ZNF407: variants seen among roughly 807,000 people sequenced by gnomAD.
ZNF407 encodes zinc finger protein 407.
In ZNF407, 17 loss-of-function variants were observed where a neutral mutation model predicts 131.2. That is an observed-to-expected ratio of 0.13 (90% CI 0.09 to 0.19). ZNF407 has a LOEUF of 0.19. ZNF407 is among the 10% of genes least tolerant of loss of function. ZNF407 has a pLI of 1.00. For synonymous variants in ZNF407, 1,156 were observed against 1,062.0 expected, an observed-to-expected ratio of 1.09 and a Z score of -1.72; for missense variants, 2,681 against 2,830.6, an observed-to-expected ratio of 0.95 and a Z score of 1.20.
At chr18:75,018,056 G>T (rs1328744223) in intron 8 of ZNF407, among the ~76,000 whole-genome samples, 1 of 152,164 alleles carries the variant, frequency 6.6e-6, no homozygotes, top group Non-Finnish European at 1.5e-5. Flanking sequence ...ATCATTTTCT[G>T]TGAATAGTAT....
chr18:74,734,133 C>T (rs561070653), intron 3 of ZNF407, among the ~76,000 whole-genome samples: 6 of 152,188 alleles, frequency 3.9e-5, no homozygotes, highest in East Asian at 3.9e-4. Context: ...CGTACGTGTT[C>T]GACGCTCCGT....
intron 8 of ZNF407, among the ~76,000 whole-genome samples, chr18:74,950,649 T>A (rs1299729741): frequency 6.6e-6 from 1 of 152,258 alleles, no homozygotes; most frequent in Non-Finnish European, 1.5e-5. Context: ...ATCATTACGA[T>A]AACATTGCCA....
chr18:74,622,869 T>G (rs1983586497), intron 1 of ZNF407, among the ~76,000 whole-genome samples: 1 of 140,054 alleles, frequency 7.1e-6, no homozygotes, highest in Non-Finnish European at 1.5e-5. Context: ...GGTGTGCAAA[T>G]GCATGTGTGT....
chr18:74,664,205 G>T (rs187451737), intron 3 of ZNF407, among the ~76,000 whole-genome samples: 1 of 152,294 alleles, frequency 6.6e-6, no homozygotes, highest in East Asian at 1.9e-4. Context: ...TCTCTTAAAA[G>T]AAAGGACATT....
intron 4 of ZNF407, among the ~76,000 whole-genome samples, chr18:74,804,841 A>G (rs888594486): frequency 6.6e-6 from 1 of 152,208 alleles, no homozygotes; most frequent in Non-Finnish European, 1.5e-5. Flanking sequence ...CTTTCTGAAT[A>G]TTATCCTCCT....
At chr18:74,647,760 T>C in intron 3 of ZNF407, among the ~76,000 whole-genome samples, 1 of 152,156 alleles carries the variant, frequency 6.6e-6, no homozygotes, top group African/African-American at 2.4e-5. Flanking sequence ...TGTGTGGGCA[T>C]GGTGACAAGG....
chr18:74,913,566 A>G (rs1971704244), intron 7 of ZNF407, among the ~76,000 whole-genome samples: 2 of 152,172 alleles, frequency 1.3e-5, no homozygotes, highest in Admixed American at 1.3e-4. Context: ...GTAGCTTGAA[A>G]AAGTAGTGTT....
intron 3 of ZNF407, among the ~76,000 whole-genome samples, chr18:74,647,895 G>A (rs1985046999): frequency 1.3e-5 from 2 of 152,074 alleles, no homozygotes; most frequent in African/African-American, 2.4e-5. Context: ...TCACAGGAGG[G>A]TTATCTTTGA....
chr18:74,678,458 C>G (rs182420781), intron 3 of ZNF407, among the ~76,000 whole-genome samples: 1 of 152,316 alleles, frequency 6.6e-6, no homozygotes, highest in African/African-American at 2.4e-5. Context: ...TTCTGCGCAC[C>G]TAGGCCCTGA....
At chr18:75,050,214 T>C (rs1170111173) in intron 8 of ZNF407, among the ~76,000 whole-genome samples, 3 of 152,166 alleles carry the variant, frequency 2.0e-5, no homozygotes, top group Non-Finnish European at 4.4e-5. Flanking sequence ...AATATATTAC[T>C]GTTAATATAT....
intron 4 of ZNF407, among the ~76,000 whole-genome samples, chr18:74,842,375 T>G (rs1446228983): frequency 6.6e-6 from 1 of 152,216 alleles, no homozygotes. Flanking sequence ...AATTATTTTA[T>G]AATTTGCTTA....
intron 4 of ZNF407, among the ~76,000 whole-genome samples, chr18:74,859,583 C>G (rs1235391194): frequency 6.6e-6 from 1 of 152,160 alleles, no homozygotes. Flanking sequence ...CAAATCTTTT[C>G]ATGAGAAAGT....
intron 8 of ZNF407, among the ~76,000 whole-genome samples, chr18:75,039,030 G>C (rs1388414969): frequency 1.3e-5 from 2 of 152,214 alleles, no homozygotes; most frequent in Non-Finnish European, 2.9e-5. Flanking sequence ...TTGTCAGCTT[G>C]TGATGTACTC....
chr18:74,945,426 C>A (rs1395645081), intron 8 of ZNF407, among the ~76,000 whole-genome samples: 2 of 152,116 alleles, frequency 1.3e-5, no homozygotes, highest in African/African-American at 4.8e-5. Context: ...GCAGACAGCT[C>A]GCCCATTTTA....
intron 1 of ZNF407, among the ~76,000 whole-genome samples, chr18:74,617,813 A>T (rs1305176689): frequency 6.6e-6 from 1 of 152,178 alleles, no homozygotes; most frequent in Non-Finnish European, 1.5e-5. Flanking sequence ...TTATGGGGAG[A>T]TGCTTTAACA....
At chr18:74,626,511 C>G (rs1325628916) in intron 1 of ZNF407, among the ~76,000 whole-genome samples, 1 of 152,162 alleles carries the variant, frequency 6.6e-6, no homozygotes, top group Non-Finnish European at 1.5e-5. Flanking sequence ...GTGACTCCCG[C>G]AGAATATTAT....
At chr18:74,979,727 T>C (rs942634202) in intron 8 of ZNF407, among the ~76,000 whole-genome samples, 1 of 152,210 alleles carries the variant, frequency 6.6e-6, no homozygotes, top group Non-Finnish European at 1.5e-5. Flanking sequence ...TGAAATAATG[T>C]TCGACCTTAA....
chr18:74,898,162 A>T (rs1201549070), intron 7 of ZNF407: 1 of 152,210 alleles, frequency 6.6e-6, no homozygotes, highest in African/African-American at 2.4e-5. Context: ...CTTATGTATC[A>T]GCGTGTCTGA....
At chr18:74,859,643 T>A (rs1166626424) in intron 4 of ZNF407, among the ~76,000 whole-genome samples, 1 of 152,230 alleles carries the variant, frequency 6.6e-6, no homozygotes, top group Non-Finnish European at 1.5e-5. Flanking sequence ...TGCTTGATAT[T>A]GGAATAGATT....
Sources: gnomAD v4.1 joint callset for allele counts (sites outside exome capture counted in the v4.1 genomes callset) on GRCh38, gnomAD v4.1.1 for gene constraint, MANE v1.5 for transcripts, NCBI Gene and HGNC (gene_info 2026-07-23, HGNC 2026-07-21) for gene names.